The following MMP2 variants were observed in gnomAD, a reference collection of about 807,000 sequenced individuals.
The protein encoded by MMP2 is matrix metallopeptidase 2.
MMP2 carries 39 observed loss-of-function variants against 74.8 expected under a neutral mutation model. The observed-to-expected ratio is 0.52, with a 90% CI of 0.40 to 0.68. MMP2 has a LOEUF of 0.68. Among genes scored for constraint, MMP2 ranks in the 30% least tolerant of loss-of-function variants. MMP2 has a pLI of 0.00. For missense variants in MMP2, 803 were observed against 878.3 expected (o/e 0.91, Z 1.08); for synonymous variants, 367 against 339.8 (o/e 1.08, Z -0.88).
intron 5 of MMP2, 156 bp from the exon 6 acceptor site, chr16:55,488,387 G>A (rs1962310191): frequency 2.6e-6 from 2 of 755,472 alleles, no homozygotes; most frequent in South Asian, 3.3e-5. Context: ...TGGGAGCTCA[G>A]AGAAGCAGCT....
At chr16:55,493,706 C>T (rs532996169) in intron 9 of MMP2, among the ~76,000 whole-genome samples, 1 of 152,336 alleles carries the variant, frequency 6.6e-6, no homozygotes, top group South Asian at 2.1e-4. Context: ...ATCCCAAGAC[C>T]TACCCTAGAG....
intron 9 of MMP2, among the ~76,000 whole-genome samples, chr16:55,496,009 G>A (rs1374895391): frequency 6.6e-6 from 1 of 152,202 alleles, no homozygotes; most frequent in Non-Finnish European, 1.5e-5. Flanking sequence ...AAGTCATATG[G>A]CAACTGCTGA....
chr16:55,480,432 T>G (rs1359726792), intron 1 of MMP2: 1 of 151,934 alleles, frequency 6.6e-6, no homozygotes, highest in Non-Finnish European at 1.5e-5. Flanking sequence ...GGGCAGGCGC[T>G]GGAGGGCCCG....
At position 55,492,160 on chromosome 16, in the gene MMP2, C is replaced by T. The variant is rs78787738; in HGVS notation, c.1336+204C>T. On this transcript the variant is annotated intron_variant, in intron 8 of 12. Coordinates refer to ENST00000219070, the MANE Select transcript of MMP2 (RefSeq NM_004530.6). ...GATACTTGGATAACTCTTCCCTATC[C>T]GAACAATGCTAATATCCATGTCACT... 9.2e-5 allele frequency among the ~76,000 whole-genome samples: 14 copies of T among 152,234 alleles called. No individual in the cohort carries two copies. The East Asian group carries it at 2.1e-3, about 23-fold the overall frequency.
At chr16:55,502,972 A>T in intron 12 of MMP2, 84 bp downstream of exon 12, 1 of 1,098,356 alleles carries the variant, frequency 9.1e-7, no homozygotes, top group Non-Finnish European at 1.4e-6. Context: ...ACACTTCTTT[A>T]TTGTGCAGGG....
intron 5 of MMP2, 101 bp downstream of exon 5, chr16:55,485,878 C>A: frequency 1.6e-6 from 2 of 1,257,050 alleles, no homozygotes; most frequent in Non-Finnish European, 2.3e-6. Context: ...GACTGGCTGC[C>A]ACTGCCAGTT....
intron 11 of MMP2, among the ~76,000 whole-genome samples, chr16:55,499,476 G>A (rs564105352): frequency 3.9e-5 from 6 of 152,238 alleles, no homozygotes; most frequent in Non-Finnish European, 8.8e-5. Flanking sequence ...CAGCAGGCCC[G>A]TGGCTGTGGG....
chr16:55,505,403 GA>G lies in MMP2; in HGVS notation c.1946del (p.Lys649SerfsTer10). Reference protein sequence around the residue: ...KLENQSLKSVKFGSIKSDWLG... With the variant: ...KLENQSLKSVXFGSIKSDWLG... ...TGGAGAACCAAAGTCTGAAGAGCGT[GA>G]AGTTTGGAAGCATCAAATCCGACTG... On this transcript the variant is annotated frameshift_variant, in exon 13 of 13. Transcript: ENST00000219070. LOFTEE classifies it high-confidence loss of function. 1 of 1,614,028 alleles carries G rather than the reference GA, an allele frequency of 6.2e-7. No individual in the cohort carries two copies. The highest frequency in any genetic ancestry group is 8.5e-7 in the Non-Finnish European group (1 of 1,179,986).
chr16:55,505,787 G>A lies in MMP2; in HGVS notation c.*345G>A, dbSNP rs1295493403. ...TCTTCTCCTTTCACAACCTTCTGTG[G>A]CTCACAGAACCCTTGGAGCCAATGG... On this transcript the variant is annotated 3_prime_UTR_variant, in exon 13 of 13. Coordinates refer to ENST00000219070, the MANE Select transcript of MMP2 (RefSeq NM_004530.6). 2.7e-6 allele frequency: 1 copy of A among 374,668 alleles called. No individual in the cohort carries two copies. Among genetic ancestry groups the A allele is most frequent in the Non-Finnish European group, 5.1e-6 (1 of 196,554 alleles). 23.2% of individuals were successfully genotyped at this position (374,668 alleles called of 1,614,324 possible).
rs243832 is a variant in MMP2 at position 55,505,279 on chromosome 16, C to G, written c.1880-60C>G. 698,338 of 1,403,922 alleles carry G rather than the reference C, an allele frequency of 0.5. 175,034 individuals carry two copies. The highest frequency in any genetic ancestry group is 0.63 in the East Asian group (27,647 of 43,790). 87.0% of individuals were successfully genotyped at this position (1,403,922 alleles called of 1,614,324 possible). On this transcript the variant is annotated intron_variant, in intron 12 of 12. Coordinates refer to ENST00000219070, the MANE Select transcript of MMP2 (RefSeq NM_004530.6). ...GGCAGAAATTCAAAGTTCCCAGGAA[C>G]CTTCTGTGTGCCAGAATGTCAGGAT...
At chr16:55,489,392 C>T (rs1391045271) in intron 6 of MMP2, among the ~76,000 whole-genome samples, 1 of 152,204 alleles carries the variant, frequency 6.6e-6, no homozygotes, top group Non-Finnish European at 1.5e-5. Flanking sequence ...TGAATTGCAG[C>T]TCTGATACTT....
chr16:55,479,434 C>A lies in MMP2; in HGVS notation c.-46C>A. 1 of 1,435,518 alleles carries A rather than the reference C, an allele frequency of 7.0e-7. No homozygotes were observed. Among genetic ancestry groups the A allele is most frequent in the Non-Finnish European group, 9.1e-7 (1 of 1,101,046 alleles). 88.9% of individuals were successfully genotyped at this position (1,435,518 alleles called of 1,614,324 possible). A position where few individuals can be genotyped will look rare whatever the true frequency, so the allele number is the denominator to read the frequency against. On this transcript the variant is annotated 5_prime_UTR_variant, in exon 1 of 13. Coordinates refer to ENST00000219070, the MANE Select transcript of MMP2 (RefSeq NM_004530.6). ...CAGGCGGCGAGGCGGCCACACGCAC[C>A]GAGCCAGCGACCCCCGGGCGACGCG...
In MMP2 at chr16:55,483,953, A is replaced by T. The variant is rs1962172133; in HGVS notation, c.381-63A>T. The T allele has an allele frequency of 1.9e-6, 3 of 1,550,096 alleles. No homozygotes were observed. In the East Asian group the frequency reaches 6.7e-5, roughly 35 times the overall value. On this transcript the variant is annotated intron_variant, in intron 2 of 12. Coordinates refer to ENST00000219070, the MANE Select transcript of MMP2 (RefSeq NM_004530.6). ...TTCATACATCTGTGCACACACACAT[A>T]CTTGCATATACATACACTTATGCAC... is the stretch of plus-strand genomic sequence containing the variant.
intron 10 of MMP2, among the ~76,000 whole-genome samples, 156 bp from the exon 11 acceptor site, chr16:55,498,133 A>G (rs535611081): frequency 3.9e-5 from 6 of 152,182 alleles, no homozygotes; most frequent in Non-Finnish European, 7.4e-5. Context: ...CCTCTGTGTG[A>G]GCCCTGATTC....
intron 1 of MMP2, chr16:55,481,777 G>A (rs1187700183): frequency 2.8e-6 from 2 of 715,928 alleles, no homozygotes; most frequent in Non-Finnish European, 5.2e-6. Context: ...GCCTAGTGAT[G>A]ATGTTAGGCA....
chr16:55,499,168 C>CAAAAAAAAA (rs57058103), intron 11 of MMP2, among the ~76,000 whole-genome samples: 2 of 132,010 alleles, frequency 1.5e-5, no homozygotes, highest in Non-Finnish European at 3.2e-5. Flanking sequence ...GACTCCAACT[C>CAAAAAAAAA]AAAAAAAAAA....
At chr16:55,504,190 T>A (rs552107748) in intron 12 of MMP2, among the ~76,000 whole-genome samples, 54 of 152,252 alleles carry the variant, frequency 3.5e-4, no homozygotes, top group Admixed American at 4.6e-4. Context: ...TGTTGTTAGA[T>A]ATTCTATATT....
chr16:55,491,133 C>T, intron 7 of MMP2, among the ~76,000 whole-genome samples: 1 of 151,036 alleles, frequency 6.6e-6, no homozygotes, highest in South Asian at 2.1e-4. Context: ...GGCATGATCT[C>T]GGCTCACTGC....
At chr16:55,485,489 G>A in intron 4 of MMP2, 62 bp downstream of exon 4, 2 of 1,613,494 alleles carry the variant, frequency 1.2e-6, no homozygotes. Flanking sequence ...CACTCCATTT[G>A]CTTGGACCAG....
Sources: gnomAD v4.1 joint callset for allele counts (sites outside exome capture counted in the v4.1 genomes callset) on GRCh38, gnomAD v4.1.1 for gene constraint, MANE v1.5 for transcripts, NCBI Gene and HGNC (gene_info 2026-07-23, HGNC 2026-07-21) for gene names.